The following SH2D3A variants were observed in gnomAD, a reference collection of about 807,000 sequenced individuals.
SH2D3A encodes the protein SH2 domain-containing protein 3A.
Under a neutral mutation model 50.6 loss-of-function variants are expected in SH2D3A, and 46 were observed. The observed-to-expected ratio is 0.91, with a 90% CI of 0.72 to 1.16. The LOEUF (loss-of-function observed/expected upper bound fraction) is 1.16. Among genes scored for constraint, SH2D3A ranks in the 50% most tolerant of loss-of-function variants. The probability of loss-of-function intolerance (pLI) is 0.00; values close to 1 mark genes in which losing one functional copy is unlikely to be tolerated. For missense variants in SH2D3A, 783 were observed against 786.2 expected, an observed-to-expected ratio of 1.00 and a Z score of 0.05; for synonymous variants, 377 against 348.4, an observed-to-expected ratio of 1.08 and a Z score of -0.91.
Position 6,754,281 on chromosome 19 carries a change from A to G in SH2D3A, c.1242T>C (p.Ala414=). The change falls in exon 7 of 10, where the codon GCT becomes GCC. Residue 414 remains alanine, a synonymous_variant. Coordinates refer to ENST00000245908, the MANE Select transcript of SH2D3A (RefSeq NM_005490.3). The part of the protein sequence containing the change: ...PGAAGDLPGL[A]AVMGALLMPQ... ...GCATGAGCAGGGCGCCCATGACTGC[A>G]GCCAGCCCGGGCAGGTCCCCCGCCG... 6.3e-7 allele frequency: 1 copy of G among 1,590,278 alleles called. No individual in the cohort carries two copies. Among genetic ancestry groups the G allele is most frequent in the Non-Finnish European group, 8.5e-7 (1 of 1,174,756 alleles).
chr19:6,752,841 G>T, intron 9 of SH2D3A, 88 bp from the exon 10 acceptor site: 1 of 1,432,080 alleles, frequency 7.0e-7, no homozygotes. Flanking sequence ...TTCCCCAGAG[G>T]ACTTTGACCC....
intron 2 of SH2D3A, among the ~76,000 whole-genome samples, chr19:6,762,309 G>A (rs1480174427): frequency 2.0e-5 from 3 of 151,642 alleles, no homozygotes; most frequent in Non-Finnish European, 4.4e-5. Flanking sequence ...TCAGCCTCCC[G>A]AGTAGCTGGG....
At chr19:6,760,602 T>A in intron 3 of SH2D3A, 36 bp downstream of exon 3, 1 of 1,469,412 alleles carries the variant, frequency 6.8e-7, no homozygotes, top group Middle Eastern at 1.8e-4. Context: ...CTGCGAGTGT[T>A]GGGTGTTCTC....
At position 6,760,799 on chromosome 19, in the gene SH2D3A, GGGGAATT is replaced by G; in HGVS notation, c.251_257del (p.Gln84ProfsTer11). On this transcript the variant is annotated frameshift_variant, in exon 3 of 10. Coordinates refer to ENST00000245908, the MANE Select transcript of SH2D3A (RefSeq NM_005490.3). LOFTEE classifies it high-confidence loss of function. ...AACTGTGAACCAGAGCCGGTATGCT[GGGGAATT>G]GCTCATCCTCCAGTTGAAAGAGGGC... is the stretch of plus-strand genomic sequence containing the variant. The G allele has an allele frequency of 6.2e-7, 1 of 1,614,236 alleles. No homozygotes were observed. Among genetic ancestry groups the G allele is most frequent in the South Asian group, 1.1e-5 (1 of 91,090 alleles).
Position 6,752,458 on chromosome 19 carries a change from C to T in SH2D3A, c.*135G>A, listed in dbSNP as rs1969368061. The stretch of plus-strand genomic sequence containing the variant: ...ACCATGGTCCAGGTGACCCTGACTG[C>T]GGTCCCCACCTCTTCTGTGAGGCAC... On this transcript the variant is annotated 3_prime_UTR_variant, in exon 10 of 10. Coordinates refer to ENST00000245908, the MANE Select transcript of SH2D3A (RefSeq NM_005490.3). 1.3e-5 allele frequency: 10 copies of T among 757,246 alleles called. No individual in the cohort carries two copies. Among genetic ancestry groups the T allele is most frequent in the Middle Eastern group, 6.7e-4 (2 of 2,980 alleles). 46.9% of individuals were successfully genotyped at this position (757,246 alleles called of 1,614,324 possible).
intron 4 of SH2D3A, chr19:6,757,616 T>G (rs575501822): frequency 5.6e-4 from 85 of 152,402 alleles, no homozygotes; most frequent in African/African-American, 1.9e-3. Flanking sequence ...TTCAATTTTA[T>G]TTTTTTCTGC....
At chr19:6,753,781 C>T (rs767625870) in intron 8 of SH2D3A, 140 bp from the exon 9 acceptor site, 78 of 1,008,070 alleles carry the variant, frequency 7.7e-5, no homozygotes, top group Non-Finnish European at 1.0e-4. Flanking sequence ...GACCACACGC[C>T]CCGTATGGAG....
chr19:6,752,696 A>G lies in SH2D3A; in HGVS notation c.1628T>C (p.Leu543Pro). 6.4e-7 allele frequency: 1 copy of G among 1,552,772 alleles called. No homozygotes were observed. Among genetic ancestry groups the G allele is most frequent in the South Asian group, 1.2e-5 (1 of 84,200 alleles). ...TCCCGCGCCCCGGCTACCCCAGAGCAGCCTCCGCACGAAGCCGGTGGTCAG... is the reference window on the plus strand; with the variant it reads ...TCCCGCGCCCCGGCTACCCCAGAGCGGCCTCCGCACGAAGCCGGTGGTCAG... Reference protein sequence around the residue: ...EALTTGFVRRLLWGSRGAGAP... With the variant: ...EALTTGFVRRPLWGSRGAGAP... The change falls in exon 10 of 10, where the codon CTG (leucine) becomes CCG (proline). Residue 543 changes from leucine to proline, a missense_variant. Leu to Pro is a moderately conservative substitution (Grantham distance 98, BLOSUM62 -3). Coordinates refer to ENST00000245908, the MANE Select transcript of SH2D3A (RefSeq NM_005490.3).
At chr19:6,753,727 G>C in intron 8 of SH2D3A, 86 bp from the exon 9 acceptor site, 3 of 1,347,522 alleles carry the variant, frequency 2.2e-6, no homozygotes, top group Non-Finnish European at 3.0e-6. Flanking sequence ...TGCAGGGGCG[G>C]GGCTTAGGAC....
intron 1 of SH2D3A, among the ~76,000 whole-genome samples, chr19:6,766,645 C>G (rs1745961482): frequency 6.6e-6 from 1 of 152,202 alleles, no homozygotes; most frequent in Non-Finnish European, 1.5e-5. Flanking sequence ...GTTCTAGGAC[C>G]TAGAGATACA....
intron 1 of SH2D3A, among the ~76,000 whole-genome samples, chr19:6,766,464 GGA>G (rs1239298967): frequency 3.3e-5 from 5 of 152,218 alleles, no homozygotes; most frequent in Non-Finnish European, 7.3e-5. Flanking sequence ...CATAGAGAGA[GGA>G]GAGAGGGGAT....
chr19:6,753,920 T>C, intron 8 of SH2D3A, 132 bp downstream of exon 8: 2 of 1,150,854 alleles, frequency 1.7e-6, no homozygotes, highest in Non-Finnish European at 2.4e-6. Flanking sequence ...CCAACCCTCA[T>C]GTGGAGGGCG....
chr19:6,753,530 C>G lies in SH2D3A; in HGVS notation c.1496G>C (p.Arg499Pro), dbSNP rs756612734. Residue 499 changes from arginine to proline, a missense_variant, in exon 9 of 10, where the codon CGC becomes CCC. Transcript: ENST00000245908. ...PLDESCERLL[R>P]TLHGARHMVR... is the part of the protein sequence containing the mutation. Reference sequence around the variant, plus strand: ...CATGTGACGCGCCCCGTGCAGGGTGCGCAACAGCCGCTCACAGCTCTCGTC... The same window carrying G: ...CATGTGACGCGCCCCGTGCAGGGTGGGCAACAGCCGCTCACAGCTCTCGTC... 1 of 1,563,352 alleles carries G rather than the reference C, an allele frequency of 6.4e-7. No individual in the cohort carries two copies. Among genetic ancestry groups the G allele is most frequent in the Non-Finnish European group, 8.7e-7 (1 of 1,154,600 alleles).
At chr19:6,764,506 C>G (rs1179350041) in intron 1 of SH2D3A, 1 of 152,230 alleles carries the variant, frequency 6.6e-6, no homozygotes, top group Non-Finnish European at 1.5e-5. Flanking sequence ...TATTCAGCAC[C>G]TTATGGGGTC....
chr19:6,753,199 G>A, intron 9 of SH2D3A: 2 of 985,300 alleles, frequency 2.0e-6, no homozygotes, highest in Non-Finnish European at 2.4e-6. Flanking sequence ...TGGGAAGGGG[G>A]AGTGGGGACC....
At chr19:6,760,228 T>A (rs917698745) in intron 3 of SH2D3A, among the ~76,000 whole-genome samples, 2 of 151,890 alleles carry the variant, frequency 1.3e-5, no homozygotes, top group African/African-American at 4.8e-5. Flanking sequence ...TACAAAAAAT[T>A]AGCCAGGCAT....
intron 4 of SH2D3A, 94 bp from the exon 5 acceptor site, chr19:6,755,409 C>A: frequency 1.2e-6 from 1 of 844,704 alleles, no homozygotes; most frequent in Non-Finnish European, 1.8e-6. Flanking sequence ...CCCACCTGAT[C>A]CATCCACTCA....
chr19:6,763,445 G>C (rs1970137328), intron 2 of SH2D3A, among the ~76,000 whole-genome samples: 1 of 152,104 alleles, frequency 6.6e-6, no homozygotes, highest in African/African-American at 2.4e-5. Context: ...GAGTAGTTTG[G>C]GGGCATTAGG....
intron 4 of SH2D3A, among the ~76,000 whole-genome samples, chr19:6,755,917 A>G (rs1220311093): frequency 6.6e-6 from 1 of 151,220 alleles, no homozygotes; most frequent in Non-Finnish European, 1.5e-5. Flanking sequence ...TGTTTCTACA[A>G]AAAGTTAGAA....
Sources: gnomAD v4.1 joint callset for allele counts (sites outside exome capture counted in the v4.1 genomes callset) on GRCh38, gnomAD v4.1.1 for gene constraint, MANE v1.5 for transcripts, NCBI Gene and HGNC (gene_info 2026-07-23, HGNC 2026-07-21) for gene names.